TBX15: variants seen among roughly 807,000 people sequenced by gnomAD.
TBX15 encodes T-box transcription factor TBX15.
Under a neutral mutation model 53.9 loss-of-function variants are expected in TBX15, and 18 were observed. The ratio of observed to expected loss-of-function variants is 0.33; its 90% CI spans 0.23 to 0.49. TBX15 has a LOEUF of 0.49. Ranked by LOEUF, TBX15 falls within the 20% of genes least tolerant of loss-of-function variation. The pLI is 0.98. For missense variants in TBX15, 692 were observed against 749.5 expected, an observed-to-expected ratio of 0.92 and a Z score of 0.90; for synonymous variants, 295 against 278.0, an observed-to-expected ratio of 1.06 and a Z score of -0.61.
At position 118,988,194 on chromosome 1, in the gene TBX15, T is replaced by TC. The variant is rs1557912868; in HGVS notation, c.-400dup. ...CTCCCCTCCCTCTCTTTTTCTCTCC[T>TC]CCCCCTCTCTCTCTCTTCCTCTCTG... On this transcript the variant is annotated 5_prime_UTR_variant, in exon 1 of 8. Coordinates refer to ENST00000369429, the MANE Select transcript of TBX15 (RefSeq NM_001330677.2). The TC allele has an allele frequency of 1.1e-5, 2 of 188,512 alleles. No homozygotes were observed. The highest frequency in any genetic ancestry group is 4.8e-5 in the African/African-American group (2 of 41,970). 11.7% of individuals were successfully genotyped at this position (188,512 alleles called of 1,614,324 possible).
intron 5 of TBX15, among the ~76,000 whole-genome samples, chr1:118,921,587 T>A (rs1364092724): frequency 6.6e-6 from 1 of 152,238 alleles, no homozygotes; most frequent in African/African-American, 2.4e-5. Flanking sequence ...GAGCAACATG[T>A]GTAACTCGTA....
At chr1:118,910,302 G>A (rs969099334) in intron 6 of TBX15, among the ~76,000 whole-genome samples, 9 of 152,156 alleles carry the variant, frequency 5.9e-5, no homozygotes, top group African/African-American at 1.4e-4. Flanking sequence ...AATGTAATCC[G>A]TATGTTTTGG....
chr1:118,898,653 T>A (rs1343713111), intron 7 of TBX15, among the ~76,000 whole-genome samples: 1 of 152,086 alleles, frequency 6.6e-6, no homozygotes, highest in Non-Finnish European at 1.5e-5. Context: ...ATCACGAAAC[T>A]TTTCTTATTC....
At chr1:118,914,065 G>A in intron 6 of TBX15, 50 bp downstream of exon 6, 3 of 1,584,256 alleles carry the variant, frequency 1.9e-6, no homozygotes, top group Non-Finnish European at 2.6e-6. Flanking sequence ...AGGATGTGAG[G>A]GAAGTAATGT....
intron 7 of TBX15, among the ~76,000 whole-genome samples, chr1:118,888,025 CA>C (rs1654011276): frequency 6.6e-6 from 1 of 152,184 alleles, no homozygotes; most frequent in Non-Finnish European, 1.5e-5. Context: ...ATTTTAGAGA[CA>C]TTTCAAAACT....
chr1:118,884,047 G>A lies in TBX15; in HGVS notation c.*685C>T, dbSNP rs1428018769. On this transcript the variant is annotated 3_prime_UTR_variant, in exon 8 of 8. Transcript: ENST00000369429. Reference sequence around the variant, plus strand: ...CAATGATAGCATACAAGTGAAGAGAGCCAAAGTTCAAAAGCAATCTTTTTC... The same window carrying A: ...CAATGATAGCATACAAGTGAAGAGAACCAAAGTTCAAAAGCAATCTTTTTC... 2 of 153,322 alleles carry A rather than the reference G, an allele frequency of 1.3e-5. No homozygotes were observed. The highest frequency in any genetic ancestry group is 2.9e-5 in the Non-Finnish European group (2 of 68,620). The allele number at this position is 153,322 out of a possible 1,614,324, so 9.5% of individuals were successfully genotyped here.
At chr1:118,949,626 G>C (rs1251644498) in intron 1 of TBX15, among the ~76,000 whole-genome samples, 2 of 152,238 alleles carry the variant, frequency 1.3e-5, no homozygotes, top group Non-Finnish European at 2.9e-5. Context: ...ATCAGCGTGT[G>C]ATCAAGTCAC....
chr1:118,985,045 A>T (rs1307159382), intron 1 of TBX15, among the ~76,000 whole-genome samples: 2 of 152,208 alleles, frequency 1.3e-5, no homozygotes, highest in East Asian at 3.9e-4. Context: ...AGAGCGGACT[A>T]AAAAACGGTG....
Position 118,931,600 on chromosome 1 carries a change from C to G in TBX15, c.419+19G>C. On this transcript the variant is annotated intron_variant, in intron 2 of 7. Coordinates refer to ENST00000369429, the MANE Select transcript of TBX15 (RefSeq NM_001330677.2). ...TGCAAATTCTTTGAATCTGGCCACT[C>G]AAAGGAATTTGTCCTTACCTGCCTG... 1.9e-6 allele frequency: 3 copies of G among 1,613,498 alleles called. No homozygotes were observed. The South Asian group carries it at 3.3e-5, about 18-fold the overall frequency.
intron 1 of TBX15, among the ~76,000 whole-genome samples, chr1:118,953,815 TC>T (rs1299224114): frequency 2.6e-5 from 4 of 152,266 alleles, no homozygotes; most frequent in Non-Finnish European, 5.9e-5. Flanking sequence ...AGACATTATT[TC>T]AGCAGATCTG....
intron 1 of TBX15, among the ~76,000 whole-genome samples, chr1:118,953,270 A>G (rs553228508): frequency 6.6e-6 from 1 of 152,346 alleles, no homozygotes; most frequent in South Asian, 2.1e-4. Context: ...TTTAACCCTT[A>G]TAACACCTGA....
chr1:118,904,514 T>C (rs1214887572), intron 6 of TBX15, among the ~76,000 whole-genome samples: 2 of 152,302 alleles, frequency 1.3e-5, no homozygotes, highest in East Asian at 1.9e-4. Context: ...ATCTACATGA[T>C]GAAGTAGCTG....
chr1:118,926,755 G>C, intron 2 of TBX15, 144 bp from the exon 3 acceptor site: 1 of 718,164 alleles, frequency 1.4e-6, no homozygotes, highest in Non-Finnish European at 2.4e-6. Context: ...ACCCAGGCTG[G>C]AGTGCAGTAG....
At chr1:118,953,975 G>C (rs1187109148) in intron 1 of TBX15, among the ~76,000 whole-genome samples, 2 of 152,178 alleles carry the variant, frequency 1.3e-5, no homozygotes, top group Admixed American at 6.5e-5. Flanking sequence ...ACCAAATAAA[G>C]CCAAGGTTCT....
intron 1 of TBX15, among the ~76,000 whole-genome samples, chr1:118,951,814 C>T (rs4659134): frequency 0.3 from 46,345 of 152,082 alleles, 8,567 homozygotes; most frequent in East Asian, 0.57. Context: ...TCCACAGCTA[C>T]AGCCCCAACA....
At chr1:118,965,907 A>T (rs1657021291) in intron 1 of TBX15, among the ~76,000 whole-genome samples, 1 of 152,214 alleles carries the variant, frequency 6.6e-6, no homozygotes, top group Admixed American at 6.5e-5. Context: ...ATAAGGACTC[A>T]TATAATATAT....
chr1:118,891,045 A>T (rs1476540159), intron 7 of TBX15: 2 of 730,364 alleles, frequency 2.7e-6, no homozygotes, highest in Non-Finnish European at 4.0e-6. Flanking sequence ...GTAAAGTTTA[A>T]TGAGCACAGC....
At chr1:118,947,206 C>T (rs767977076) in intron 1 of TBX15, among the ~76,000 whole-genome samples, 3 of 152,186 alleles carry the variant, frequency 2.0e-5, no homozygotes, top group Non-Finnish European at 4.4e-5. Context: ...TTCCTAAAGG[C>T]CATGGCAATG....
At chr1:118,899,353 T>G (rs1052210831) in intron 6 of TBX15, among the ~76,000 whole-genome samples, 1 of 152,168 alleles carries the variant, frequency 6.6e-6, no homozygotes, top group African/African-American at 2.4e-5. Context: ...TCTACAACTA[T>G]GATGGAATTT....
Sources: gnomAD v4.1 joint callset for allele counts (sites outside exome capture counted in the v4.1 genomes callset) on GRCh38, gnomAD v4.1.1 for gene constraint, MANE v1.5 for transcripts, NCBI Gene and HGNC (gene_info 2026-07-23, HGNC 2026-07-21) for gene names.